SLMAP: variants seen among roughly 807,000 people sequenced by gnomAD.
The protein encoded by SLMAP is sarcolemma associated protein.
Under a neutral mutation model 128.8 loss-of-function variants are expected in SLMAP, and 44 were observed. The ratio of observed to expected loss-of-function variants is 0.34; its 90% CI spans 0.27 to 0.44. The LOEUF is 0.44. Among genes scored for constraint, SLMAP ranks in the 20% least tolerant of loss-of-function variants. The probability of loss-of-function intolerance (pLI) is 1.00; values close to 1 mark genes in which losing one functional copy is unlikely to be tolerated. For missense variants in SLMAP, 787 were observed against 985.3 expected (o/e 0.80, Z 2.69); for synonymous variants, 327 against 348.8 (o/e 0.94, Z 0.70).
chr3:57,908,993 T>A (rs2096629945), intron 18 of SLMAP, 83 bp from the exon 19 acceptor site: 2 of 957,196 alleles, frequency 2.1e-6, no homozygotes, highest in Non-Finnish European at 3.2e-6. Flanking sequence ...GAGAGAATTT[T>A]AAAAGAAATT....
intron 2 of SLMAP, among the ~76,000 whole-genome samples, chr3:57,799,660 T>G (rs987545343): frequency 1.3e-5 from 2 of 152,214 alleles, no homozygotes; most frequent in African/African-American, 4.8e-5. Context: ...ACATGTTTGC[T>G]TCTGTGGAGG....
intron 14 of SLMAP, among the ~76,000 whole-genome samples, chr3:57,880,911 G>T (rs957986345): frequency 2.0e-5 from 3 of 152,044 alleles, no homozygotes; most frequent in Non-Finnish European, 2.9e-5. Context: ...GAGTTTTAGG[G>T]CTGGGCGCAG....
At chr3:57,765,273 A>C (rs1019568417) in intron 2 of SLMAP, among the ~76,000 whole-genome samples, 3 of 152,194 alleles carry the variant, frequency 2.0e-5, no homozygotes, top group African/African-American at 7.2e-5. Flanking sequence ...GGGGTGCATC[A>C]GGTCTGTAGC....
intron 2 of SLMAP, among the ~76,000 whole-genome samples, chr3:57,820,521 C>A (rs1452313758): frequency 6.6e-6 from 1 of 152,198 alleles, no homozygotes; most frequent in African/African-American, 2.4e-5. Flanking sequence ...AGCCCCCGCC[C>A]CCACTACCAC....
At position 57,860,848 on chromosome 3, in the gene SLMAP, A is replaced by G; in HGVS notation, c.828+9A>G. The G allele has an allele frequency of 1.9e-6, 3 of 1,574,646 alleles. No homozygotes were observed. The highest frequency in any genetic ancestry group is 2.6e-6 in the Non-Finnish European group (3 of 1,165,658). On this transcript the variant is annotated intron_variant, in intron 9 of 24. Transcript: ENST00000671191. ...AACTTTCAGAAGTTGAGGTATTTCA[A>G]TCAAAAAAAAAATACTAAATAGTAT...
At chr3:57,778,028 A>G (rs114338824) in intron 2 of SLMAP, among the ~76,000 whole-genome samples, 2,158 of 152,256 alleles carry the variant, frequency 0.014, 32 homozygotes, top group Admixed American at 0.023. Context: ...TGATTTGCTT[A>G]TATTTTGTTA....
chr3:57,831,612 C>T, intron 3 of SLMAP, 82 bp downstream of exon 3: 4 of 989,120 alleles, frequency 4.0e-6, no homozygotes, highest in South Asian at 5.6e-5. Flanking sequence ...CATTATGAAA[C>T]ATTACATGCT....
chr3:57,815,371 A>T (rs1433166364), intron 2 of SLMAP, among the ~76,000 whole-genome samples: 1 of 152,194 alleles, frequency 6.6e-6, no homozygotes, highest in Non-Finnish European at 1.5e-5. Flanking sequence ...AGTGTTTTGT[A>T]TTTGTTATAA....
chr3:57,771,951 A>G (rs1050542337), intron 2 of SLMAP, among the ~76,000 whole-genome samples: 3 of 152,234 alleles, frequency 2.0e-5, no homozygotes, highest in Non-Finnish European at 2.9e-5. Context: ...GGTAAATTAC[A>G]AGAATCTAGT....
intron 22 of SLMAP, among the ~76,000 whole-genome samples, chr3:57,919,118 C>G (rs905506814): frequency 1.1e-4 from 17 of 152,202 alleles, no homozygotes; most frequent in Admixed American, 7.9e-4. Context: ...CCGTGGCTCA[C>G]GCCTGTAATC....
At chr3:57,838,584 C>T (rs867235469) in intron 3 of SLMAP, among the ~76,000 whole-genome samples, 3 of 152,148 alleles carry the variant, frequency 2.0e-5, no homozygotes, top group African/African-American at 7.2e-5. Context: ...TTCTGTAAAT[C>T]GTAAATATTC....
intron 9 of SLMAP, 142 bp downstream of exon 9, chr3:57,860,981 C>T (rs1390691353): frequency 1.5e-6 from 1 of 678,178 alleles, no homozygotes; most frequent in Non-Finnish European, 2.4e-6. Flanking sequence ...AACAGTTACG[C>T]TGCTTTCATT....
At chr3:57,909,243 C>A in intron 19 of SLMAP, 93 bp downstream of exon 19, 2 of 866,374 alleles carry the variant, frequency 2.3e-6, no homozygotes, top group Non-Finnish European at 3.7e-6. Context: ...TGGCTCATGC[C>A]TGCAATCCCA....
At chr3:57,793,682 TC>T (rs2153478734) in intron 2 of SLMAP, among the ~76,000 whole-genome samples, 1 of 152,334 alleles carries the variant, frequency 6.6e-6, no homozygotes, top group South Asian at 2.1e-4. Context: ...TTTGGTGAAA[TC>T]TGCCCATATC....
chr3:57,922,998 A>C lies in SLMAP; in HGVS notation c.2420A>C (p.Lys807Thr). ...DELKQCKNNL[K>T]LLREKGNNPS... is the part of the protein sequence containing the mutation. ...CTCAAACAGTGTAAAAACAACCTGA[A>C]GCTGCTCCGAGAGAAAGGAAATAAT... Residue 807 changes from lysine to threonine, a missense_variant, in exon 23 of 25, where the codon AAG (lysine) becomes ACG (threonine). By Grantham distance (78) the Lys-to-Thr change is moderately conservative (BLOSUM62 -1). Around this residue, in one of 2 missense-constraint regions of SLMAP, gnomAD observed 715 missense variants for 843.6 expected, o/e 0.85. Coordinates refer to ENST00000671191, the MANE Select transcript of SLMAP (RefSeq NM_001377540.1). 6.2e-7 allele frequency: 1 copy of C among 1,613,936 alleles called. No homozygotes were observed. The highest frequency in any genetic ancestry group is 8.5e-7 in the Non-Finnish European group (1 of 1,179,960).
At chr3:57,896,260 A>C in intron 15 of SLMAP, 1 of 1,167,380 alleles carries the variant, frequency 8.6e-7, no homozygotes, top group Non-Finnish European at 1.1e-6. Context: ...GCAAGTGGAC[A>C]GCCTTGAACA....
At chr3:57,917,297 AACT>A in intron 22 of SLMAP, 2 of 1,205,962 alleles carry the variant, frequency 1.7e-6, no homozygotes, top group Non-Finnish European at 2.2e-6. Flanking sequence ...TAATATACAA[AACT>A]ACATTTTAAT....
At position 57,927,281 on chromosome 3, in the gene SLMAP, T is replaced by C. The variant is rs768553762; in HGVS notation, c.*7-15T>C. 1 of 1,587,260 alleles carries C rather than the reference T, an allele frequency of 6.3e-7. No individual in the cohort carries two copies. The highest frequency in any genetic ancestry group is 1.1e-5 in the South Asian group (1 of 88,632). ...GGGAGAATGTGATATTGACTCTTGG[T>C]TTCTTTCCACACAGAAACCCTGGCC... On this transcript the variant is annotated splice_polypyrimidine_tract_variant and intron_variant, in intron 24 of 24. Transcript: ENST00000671191.
intron 6 of SLMAP, among the ~76,000 whole-genome samples, chr3:57,851,084 G>T (rs1161045703): frequency 6.6e-6 from 1 of 152,164 alleles, no homozygotes; most frequent in East Asian, 1.9e-4. Context: ...GTCTTACAAG[G>T]TGCATATTTT....
Sources: gnomAD v4.1 joint callset for allele counts (sites outside exome capture counted in the v4.1 genomes callset) on GRCh38, gnomAD v4.1.1 for gene constraint, gnomAD v4.1.1 regional missense constraint, MANE v1.5 for transcripts, NCBI Gene and HGNC (gene_info 2026-07-23, HGNC 2026-07-21) for gene names.